Variants in BTAF1 observed in about 807,000 individuals in gnomAD.
BTAF1 encodes B-TFIID TATA-box binding protein associated factor 1.
Under a neutral mutation model 227.1 loss-of-function variants are expected in BTAF1, and 38 were observed. That is an observed-to-expected ratio of 0.17 (90% CI 0.13 to 0.22). BTAF1 has a LOEUF of 0.22. Among genes scored for constraint, BTAF1 ranks in the 10% least tolerant of loss-of-function variants. The pLI is 1.00. For missense variants in BTAF1, 1,598 were observed against 2,204.0 expected (o/e 0.73, Z 5.51); for synonymous variants, 742 against 751.9 (o/e 0.99, Z 0.21).
In BTAF1 at chr10:91,964,321, G is replaced by A. The variant is rs138209384; in HGVS notation, c.1529+120G>A. On this transcript the variant is annotated intron_variant, in intron 13 of 37. Coordinates refer to ENST00000265990, the MANE Select transcript of BTAF1 (RefSeq NM_003972.3). Reference sequence around the variant, plus strand: ...GAATAATATTATTTAAGCTGGAGATGCCAAAGACTACCGTTTTCAGAAGGC... The same window carrying A: ...GAATAATATTATTTAAGCTGGAGATACCAAAGACTACCGTTTTCAGAAGGC... 1.3e-4 allele frequency: 155 copies of A among 1,155,790 alleles called. No homozygotes were observed. In the African/African-American group the frequency reaches 1.7e-3, roughly 13 times the overall value. The allele number at this position is 1,155,790 out of a possible 1,614,324, so 71.6% of individuals were successfully genotyped here. A position where few individuals can be genotyped will look rare whatever the true frequency, so the allele number is the denominator to read the frequency against.
At chr10:91,991,277 T>TATATATAA (rs1156381356) in intron 20 of BTAF1, among the ~76,000 whole-genome samples, 1 of 104,988 alleles carries the variant, frequency 9.5e-6, no homozygotes, top group Non-Finnish European at 2.2e-5. Context: ...TATAAATATA[T>TATATATAA]ATATATATAT....
chr10:91,950,832 A>AG (rs1845722853), intron 4 of BTAF1, among the ~76,000 whole-genome samples: 1 of 132,600 alleles, frequency 7.5e-6, no homozygotes, highest in Non-Finnish European at 1.6e-5. Context: ...ATAGAGATGT[A>AG]TTTTTTTTTT....
At chr10:92,006,335 A>G (rs956972924) in intron 25 of BTAF1, among the ~76,000 whole-genome samples, 4 of 152,204 alleles carry the variant, frequency 2.6e-5, no homozygotes, top group Non-Finnish European at 5.9e-5. Context: ...TCAAAAAGAG[A>G]AAGTTTGTTA....
intron 14 of BTAF1, among the ~76,000 whole-genome samples, chr10:91,975,550 T>C (rs1847621450): frequency 2.0e-5 from 3 of 152,194 alleles, no homozygotes; most frequent in Non-Finnish European, 4.4e-5. Flanking sequence ...TGGATCACAA[T>C]AGGGTTTCAG....
intron 2 of BTAF1, 56 bp downstream of exon 2, chr10:91,935,836 A>C: frequency 1.5e-6 from 2 of 1,376,434 alleles, no homozygotes; most frequent in Non-Finnish European, 1.9e-6. Flanking sequence ...TTATTCATGG[A>C]TAGGAACACA....
chr10:91,991,316 C>T (rs1200870111), intron 20 of BTAF1, among the ~76,000 whole-genome samples: 1 of 102,594 alleles, frequency 9.7e-6, no homozygotes, highest in Non-Finnish European at 2.3e-5. Context: ...TGGTGGCGTG[C>T]GTCTGTAATC....
At chr10:91,930,063 A>T (rs199778400) in intron 1 of BTAF1, among the ~76,000 whole-genome samples, 5 of 152,202 alleles carry the variant, frequency 3.3e-5, no homozygotes, top group Non-Finnish European at 7.3e-5. Flanking sequence ...TTATTATTTT[A>T]AAAATTTTTT....
At chr10:91,961,788 G>A (rs779769489) in intron 11 of BTAF1, among the ~76,000 whole-genome samples, 26 of 152,082 alleles carry the variant, frequency 1.7e-4, no homozygotes, top group Non-Finnish European at 3.1e-4. Flanking sequence ...CTGGGGCCTG[G>A]TCTGTTGGGG....
chr10:91,932,830 T>C (rs1384516642), intron 1 of BTAF1, among the ~76,000 whole-genome samples: 1 of 152,140 alleles, frequency 6.6e-6, no homozygotes, highest in Non-Finnish European at 1.5e-5. Flanking sequence ...ATTTGTTTGC[T>C]GTAGCACATT....
chr10:91,942,630 G>T, intron 4 of BTAF1, 62 bp downstream of exon 4: 1 of 1,549,560 alleles, frequency 6.5e-7, no homozygotes. Context: ...TTGTCACTGT[G>T]GTATGCTGTT....
intron 4 of BTAF1, among the ~76,000 whole-genome samples, chr10:91,948,795 C>T (rs1286500639): frequency 1.3e-5 from 2 of 148,610 alleles, no homozygotes; most frequent in Admixed American, 1.3e-4. Flanking sequence ...ATTTTTTGTC[C>T]AGATGGGATT....
rs1844872153 is a variant in BTAF1, at chr10:91,939,800, T to C, written c.139-152T>C. 6.6e-6 allele frequency: 3 copies of C among 451,412 alleles called. No individual in the cohort carries two copies. The South Asian group carries it at 9.7e-5, about 15-fold the overall frequency. 28.0% of individuals were successfully genotyped at this position (451,412 alleles called of 1,614,324 possible). A position where few individuals can be genotyped will look rare whatever the true frequency, so the allele number is the denominator to read the frequency against. On this transcript the variant is annotated intron_variant, in intron 2 of 37. Coordinates refer to ENST00000265990, the MANE Select transcript of BTAF1 (RefSeq NM_003972.3). ...TTTTTCTCTGAATGATAGAATCTTGTAAATGAATTTAATAATTCTAAGGTG... is the reference window on the plus strand; with the variant it reads ...TTTTTCTCTGAATGATAGAATCTTGCAAATGAATTTAATAATTCTAAGGTG...
chr10:92,028,563 A>G (rs1016455889), intron 37 of BTAF1, among the ~76,000 whole-genome samples: 5 of 152,112 alleles, frequency 3.3e-5, no homozygotes, highest in Non-Finnish European at 7.4e-5. Context: ...TGATAAAGCA[A>G]ATAAGTTCTT....
At position 91,989,555 on chromosome 10, in the gene BTAF1, A is replaced by G. The variant is rs556373617; in HGVS notation, c.2829A>G (p.Thr943=). The change falls in exon 20 of 38, where the codon ACA becomes ACG. Residue 943 remains threonine, a synonymous_variant. Transcript: ENST00000265990. ...LTPCVTCPVP[T]QSGQENSKGS... is the part of the protein sequence containing the mutation. ...CTTGTGTCACATGTCCAGTACCAACACAAAGTGGCCAGGAAAATTCTAAAG... is the reference window on the plus strand; with the variant it reads ...CTTGTGTCACATGTCCAGTACCAACGCAAAGTGGCCAGGAAAATTCTAAAG... 18 of 1,602,752 alleles carry G rather than the reference A, an allele frequency of 1.1e-5. No individual in the cohort carries two copies. The East Asian group carries it at 3.1e-4, about 28-fold the overall frequency.
chr10:91,989,431 C>G lies in BTAF1; in HGVS notation c.2705C>G (p.Ala902Gly). Residue 902 changes from alanine (A) to glycine (G), a missense_variant, in exon 20 of 38, where the codon GCT becomes GGT. By Grantham distance (60) the Ala-to-Gly change is moderately conservative. Coordinates refer to ENST00000265990, the MANE Select transcript of BTAF1 (RefSeq NM_003972.3). ...LVQNYAAQCI[A>G]KLLQQCTTRT... ...CAAAACTATGCAGCTCAGTGCATAG[C>G]TAAACTCCTTCAGCAGTGCACAACA... 1 of 1,614,114 alleles carries G rather than the reference C, an allele frequency of 6.2e-7. No homozygotes were observed. Among genetic ancestry groups the G allele is most frequent in the Non-Finnish European group, 8.5e-7 (1 of 1,180,020 alleles).
chr10:91,928,592 T>C (rs1365338912), intron 1 of BTAF1, among the ~76,000 whole-genome samples: 1 of 152,178 alleles, frequency 6.6e-6, no homozygotes, highest in Admixed American at 6.5e-5. Flanking sequence ...GTGTTTCTTG[T>C]GAATAATTTA....
At position 92,009,141 on chromosome 10, in the gene BTAF1, G is replaced by A; in HGVS notation, c.4036G>A (p.Gly1346Ser). The A allele has an allele frequency of 6.2e-7, 1 of 1,614,026 alleles. No individual in the cohort carries two copies. The highest frequency in any genetic ancestry group is 8.5e-7 in the Non-Finnish European group (1 of 1,179,978). The change falls in exon 28 of 38, where the codon GGT becomes AGT. Residue 1346 changes from glycine to serine, a missense_variant. By Grantham distance (56) the Gly-to-Ser change is moderately conservative. Transcript: ENST00000265990. Reference protein sequence around the residue: ...TLTGHWVDEVGKFCSREYLNP... With the variant: ...TLTGHWVDEVSKFCSREYLNP... ...AACAGGCCATTGGGTGGATGAAGTAGGTAAATTTTGCTCTAGAGAATATCT... is the reference window on the plus strand; with the variant it reads ...AACAGGCCATTGGGTGGATGAAGTAAGTAAATTTTGCTCTAGAGAATATCT...
intron 26 of BTAF1, 38 bp from the exon 27 acceptor site, chr10:92,008,791 T>C (rs1850116071): frequency 6.6e-7 from 1 of 1,507,598 alleles, no homozygotes; most frequent in Non-Finnish European, 8.9e-7. Context: ...AAAATAAATT[T>C]ATGATGTATT....
chr10:91,984,470 G>T, intron 19 of BTAF1, 66 bp downstream of exon 19: 1 of 1,377,502 alleles, frequency 7.3e-7, no homozygotes, highest in South Asian at 1.4e-5. Context: ...AATTTGTCAT[G>T]ACATGTTTAT....
Sources: allele counts gnomAD v4.1 joint callset (sites outside exome capture counted in the v4.1 genomes callset), GRCh38; gene constraint gnomAD v4.1.1; transcripts MANE v1.5; gene names NCBI Gene and HGNC (gene_info 2026-07-23, HGNC 2026-07-21).